Variants in ARAF observed in about 807,000 individuals in gnomAD.
ARAF encodes the protein A-Raf proto-oncogene, serine/threonine kinase.
Under a neutral mutation model 48.0 loss-of-function variants are expected in ARAF, and 18 were observed. The ratio of observed to expected loss-of-function variants is 0.37; its 90% CI spans 0.26 to 0.56. The LOEUF (loss-of-function observed/expected upper bound fraction) is 0.56, where lower values mean the gene tolerates loss of function less well. Among genes scored for constraint, ARAF ranks in the 20% least tolerant of loss-of-function variants. The probability of loss-of-function intolerance (pLI) is 0.77; values close to 1 mark genes in which losing one functional copy is unlikely to be tolerated. For synonymous variants in ARAF, 207 were observed against 220.1 expected, an observed-to-expected ratio of 0.94 and a Z score of 0.53; for missense variants, 389 against 543.1, an observed-to-expected ratio of 0.72 and a Z score of 2.82.
chrX:47,566,843 C>G (rs2147905918), intron 7 of ARAF, 41 bp from the exon 8 acceptor site: 2 of 1,211,598 alleles, frequency 1.7e-6, no homozygotes, highest in Non-Finnish European at 2.2e-6. Flanking sequence ...TCCCTGTTGG[C>G]CTCCATGCCC....
Position 47,570,019 on chromosome X carries a change from G to T in ARAF, c.1546G>T (p.Asp516Tyr). 1 of 1,205,510 alleles carries T rather than the reference G, an allele frequency of 8.3e-7. No homozygotes were observed. ...GCCTTACAGCCACATTGGCTGCCGTGACCAGGTGAGCCCCACACCTTACCC... is the reference window on the plus strand; with the variant it reads ...GCCTTACAGCCACATTGGCTGCCGTTACCAGGTGAGCCCCACACCTTACCC... Reference protein sequence around the residue: ...SLPYSHIGCRDQIIFMVGRGY... With the variant: ...SLPYSHIGCRYQIIFMVGRGY... The change falls in exon 14 of 16, where the codon GAC becomes TAC. Residue 516 changes from aspartate to tyrosine, a missense_variant. By Grantham distance (160) the Asp-to-Tyr change is radical. Transcript: ENST00000377045.
intron 14 of ARAF, 34 bp downstream of exon 14, chrX:47,570,058 C>T (rs1443813472): frequency 1.7e-6 from 2 of 1,193,818 alleles, no homozygotes; most frequent in Middle Eastern, 2.3e-4. Flanking sequence ...GTTCCCTGGG[C>T]TGAGGGATCC....
rs1603048571 is a variant in ARAF, at chrX:47,571,316, C to T, written c.1687-7C>T. 11 of 1,204,903 alleles carry T rather than the reference C, an allele frequency of 9.1e-6. No individual in the cohort carries two copies. Among genetic ancestry groups the T allele is most frequent in the African/African-American group, 3.5e-5 (2 of 56,832 alleles). Reference sequence around the variant, plus strand: ...GGACACCCCTCCTCACCCCCACCTGCCCTCAGATCCTGGCCACAATTGAGC... The same window carrying T: ...GGACACCCCTCCTCACCCCCACCTGTCCTCAGATCCTGGCCACAATTGAGC... On this transcript the variant is annotated splice_polypyrimidine_tract_variant and splice_region_variant and intron_variant, in intron 15 of 15. Transcript: ENST00000377045.
intron 3 of ARAF, 67 bp downstream of exon 3, chrX:47,563,396 A>C: frequency 1.2e-6 from 1 of 848,931 alleles, no homozygotes; most frequent in Non-Finnish European, 1.7e-6. Context: ...CAGTCATTTG[A>C]TTCCTTCTGT....
At position 47,570,042 on chromosome X, in the gene ARAF, C is replaced by T. The variant is rs199870928; in HGVS notation, c.1551+18C>T. On this transcript the variant is annotated intron_variant, in intron 14 of 15. Transcript: ENST00000377045. ...GTGACCAGGTGAGCCCCACACCTTA[C>T]CCACAGTTCCCTGGGCTGAGGGATC... 1.5e-3 allele frequency: 1,761 copies of T among 1,199,037 alleles called. 11 individuals are homozygous for T. Among genetic ancestry groups the T allele is most frequent in the Non-Finnish European group, 7.5e-4 (664 of 891,061 alleles).
At chrX:47,570,775 A>C in intron 14 of ARAF, 103 bp from the exon 15 acceptor site, 571 of 689,952 alleles carry the variant, frequency 8.3e-4, no homozygotes, top group Non-Finnish European at 1.1e-3. Flanking sequence ...ACAGTACCCC[A>C]GCTCGCTAAA....
At chrX:47,566,220 T>C (rs1313204892) in intron 6 of ARAF, among the ~76,000 whole-genome samples, 1 of 111,971 alleles carries the variant, frequency 8.9e-6, no homozygotes, top group Non-Finnish European at 1.9e-5. Flanking sequence ...TACATTACCC[T>C]TTCCCCACTA....
At chrX:47,564,158 G>C (rs975102404) in intron 3 of ARAF, among the ~76,000 whole-genome samples, 4 of 112,590 alleles carry the variant, frequency 3.6e-5, no homozygotes, top group African/African-American at 1.3e-4. Context: ...TGTAGTTCAA[G>C]TAATCTATGA....
chrX:47,562,832 AT>A (rs1340720029), intron 1 of ARAF, 76 bp from the exon 2 acceptor site: 1 of 510,028 alleles, frequency 2.0e-6, no homozygotes, highest in Non-Finnish European at 3.2e-6. Flanking sequence ...TGGACTTTGA[AT>A]TTTATTTTGT....
intron 9 of ARAF, 31 bp downstream of exon 9, chrX:47,567,162 C>T: frequency 1.7e-6 from 2 of 1,209,709 alleles, no homozygotes; most frequent in Non-Finnish European, 2.2e-6. Flanking sequence ...TTTGGGGCCA[C>T]CAAGGCTGAG....
intron 15 of ARAF, 97 bp downstream of exon 15, chrX:47,571,109 T>TTGTG (rs1569321471): frequency 5.2e-6 from 5 of 962,481 alleles, no homozygotes. Context: ...CTCAGAGGTA[T>TTGTG]AGTGTGTGTG....
chrX:47,570,784 A>G (rs2057752307), intron 14 of ARAF, 94 bp from the exon 15 acceptor site: 1 of 959,175 alleles, frequency 1.0e-6, no homozygotes, highest in Non-Finnish European at 1.4e-6. Context: ...CAGCTCGCTA[A>G]AAATGAACCT....
chrX:47,565,443 G>C (rs1346677299), intron 6 of ARAF, 93 bp downstream of exon 6: 1 of 1,125,961 alleles, frequency 8.9e-7, no homozygotes, highest in Non-Finnish European at 1.2e-6. Context: ...TTGTTTACTT[G>C]ACAAACATTT....
chrX:47,568,819 ACCTG>A lies in ARAF; in HGVS notation c.1180_1183del (p.Leu394MetfsTer49). ...TGTGAGGGCTCCAGCCTCTACCATC[ACCTG>A]CATGTGGCCGACACACGCTTCGACA... On this transcript the variant is annotated frameshift_variant, in exon 11 of 16. Coordinates refer to ENST00000377045, the MANE Select transcript of ARAF (RefSeq NM_001654.5). LOFTEE classifies it high-confidence loss of function. The A allele has an allele frequency of 8.3e-7, 1 of 1,209,650 alleles. No individual in the cohort carries two copies. Among genetic ancestry groups the A allele is most frequent in the Non-Finnish European group, 1.1e-6 (1 of 894,877 alleles).
intron 1 of ARAF, among the ~76,000 whole-genome samples, chrX:47,562,480 T>G (rs1332990332): frequency 1.2e-5 from 1 of 83,739 alleles, no homozygotes; most frequent in Admixed American, 1.4e-4. Flanking sequence ...AGCGAAACTC[T>G]GTCAGAAAAA....
At chrX:47,565,590 C>T (rs936168460) in intron 6 of ARAF, 1 of 390,954 alleles carries the variant, frequency 2.6e-6, no homozygotes, top group African/African-American at 2.6e-5. Flanking sequence ...TCTGGTGAGG[C>T]TTAAATGAGT....
intron 3 of ARAF, 41 bp downstream of exon 3, chrX:47,563,370 C>A: frequency 1.0e-6 from 1 of 958,474 alleles, no homozygotes; most frequent in Non-Finnish European, 1.5e-6. Flanking sequence ...GGGTGTCCCA[C>A]CTCCCATCCC....
chrX:47,570,087 C>T, intron 14 of ARAF, 63 bp downstream of exon 14: 1 of 1,147,003 alleles, frequency 8.7e-7, no homozygotes, highest in Non-Finnish European at 1.2e-6. Flanking sequence ...ATCCATACCC[C>T]ACATCCCCTC....
chrX:47,563,874 A>G lies in ARAF; in HGVS notation c.200+545A>G, dbSNP rs895960406. On this transcript the variant is annotated intron_variant, in intron 3 of 15. Coordinates refer to ENST00000377045, the MANE Select transcript of ARAF (RefSeq NM_001654.5). ...TATTAAGTAAAATGGCGGTCACTTGAAGACAGCCACTATGATATTGAGTCA... is the reference window on the plus strand; with the variant it reads ...TATTAAGTAAAATGGCGGTCACTTGGAGACAGCCACTATGATATTGAGTCA... Among the ~76,000 whole-genome samples the G allele has an allele frequency of 7.2e-5, 8 of 111,639 alleles. No homozygotes were observed. The Admixed American group carries it at 7.6e-4, about 11-fold the overall frequency.
Sources: gnomAD v4.1 joint callset for allele counts (sites outside exome capture counted in the v4.1 genomes callset) on GRCh38, gnomAD v4.1.1 for gene constraint, MANE v1.5 for transcripts, NCBI Gene and HGNC (gene_info 2026-07-23, HGNC 2026-07-21) for gene names.